Variants in BCL2L11 observed in about 807,000 individuals in gnomAD.
The protein encoded by BCL2L11 is BCL2 like 11.
In BCL2L11, 15 loss-of-function variants were observed where a neutral mutation model predicts 20.6. The ratio of observed to expected loss-of-function variants is 0.73; its 90% confidence interval spans 0.49 to 1.12. The LOEUF (loss-of-function observed/expected upper bound fraction) is 1.12. Among genes scored for constraint, BCL2L11 ranks in the 50% most tolerant of loss-of-function variants. The pLI is 0.00. For missense variants in BCL2L11, 292 were observed against 260.9 expected (o/e 1.12, Z -0.82); for synonymous variants, 108 against 92.8 (o/e 1.16, Z -0.94).
chr2:111,122,034 C>T (rs1390614775), intron 1 of BCL2L11, among the ~76,000 whole-genome samples: 2 of 152,208 alleles, frequency 1.3e-5, no homozygotes, highest in Admixed American at 1.3e-4. Flanking sequence ...GGTGGAGGGC[C>T]CGACGGACGC....
intron 2 of BCL2L11, among the ~76,000 whole-genome samples, chr2:111,127,782 A>G (rs1459985213): frequency 6.6e-6 from 1 of 152,144 alleles, no homozygotes; most frequent in East Asian, 1.9e-4. Flanking sequence ...TAAGCACTTG[A>G]CATAGGACTA....
Position 111,123,942 on chromosome 2 carries a change from C to A in BCL2L11, c.197C>A (p.Pro66Gln). The A allele has an allele frequency of 6.2e-7, 1 of 1,614,174 alleles. No individual in the cohort carries two copies. The highest frequency in any genetic ancestry group is 8.5e-7 in the Non-Finnish European group (1 of 1,179,996). The change falls in exon 2 of 4, where the codon CCA becomes CAA. Residue 66 changes from proline (P) to glutamine (Q), a missense_variant. By Grantham distance (76) the Pro-to-Gln change is moderately conservative. Coordinates refer to ENST00000393256, the MANE Select transcript of BCL2L11 (RefSeq NM_138621.5). ...PHGSPQGPLA[P>Q]PASPGPFATR... Reference sequence around the variant, plus strand: ...GGCAGCCCTCAGGGCCCGCTGGCCCCACCTGCCAGCCCTGGCCCTTTTGCT... The same window carrying A: ...GGCAGCCCTCAGGGCCCGCTGGCCCAACCTGCCAGCCCTGGCCCTTTTGCT...
chr2:111,151,614 T>C (rs1559073925), intron 3 of BCL2L11, among the ~76,000 whole-genome samples: 1 of 152,224 alleles, frequency 6.6e-6, no homozygotes, highest in East Asian at 1.9e-4. Context: ...TGTTTTAGGC[T>C]TCTTTTAGAC....
chr2:111,132,363 C>A (rs1416246236), intron 2 of BCL2L11: 2 of 152,094 alleles, frequency 1.3e-5, no homozygotes, highest in Non-Finnish European at 2.9e-5. Context: ...AGACTTGTAG[C>A]TAGGAAGTAA....
In BCL2L11 at chr2:111,167,281, G is replaced by A. The variant is rs960375600; in HGVS notation, c.*3050G>A. ...CGGGTCCTGGTATTTCCAGTCAAGT[G>A]GGTTTCAATTCTTGGGCTTTGCCGC... On this transcript the variant is annotated 3_prime_UTR_variant, in exon 4 of 4. Coordinates refer to ENST00000393256, the MANE Select transcript of BCL2L11 (RefSeq NM_138621.5). 10 of 152,186 alleles carry A rather than the reference G, an allele frequency of 6.6e-5. No individual in the cohort carries two copies. Among genetic ancestry groups the A allele is most frequent in the Admixed American group, 5.2e-4 (8 of 15,284 alleles). 9.4% of individuals were successfully genotyped at this position (152,186 alleles called of 1,614,324 possible).
At chr2:111,147,066 A>G (rs142744667) in intron 2 of BCL2L11, among the ~76,000 whole-genome samples, 140 of 152,296 alleles carry the variant, frequency 9.2e-4, no homozygotes, top group African/African-American at 3.2e-3. Flanking sequence ...TATAGTATCT[A>G]TTTCCATAAT....
At position 111,164,301 on chromosome 2, in the gene BCL2L11, C is replaced by A. The variant is rs1203316577; in HGVS notation, c.*70C>A. The A allele has an allele frequency of 1.7e-6, 2 of 1,171,094 alleles. No homozygotes were observed. The highest frequency in any genetic ancestry group is 2.6e-6 in the Non-Finnish European group (2 of 777,006). 72.5% of individuals were successfully genotyped at this position (1,171,094 alleles called of 1,614,324 possible). Reference sequence around the variant, plus strand: ...TTCAAACCAACAAGACCCAGCACCGCGGTCTCCTGGTGCCATTATTATGCA... The same window carrying A: ...TTCAAACCAACAAGACCCAGCACCGAGGTCTCCTGGTGCCATTATTATGCA... On this transcript the variant is annotated 3_prime_UTR_variant, in exon 4 of 4. Coordinates refer to ENST00000393256, the MANE Select transcript of BCL2L11 (RefSeq NM_138621.5).
intron 1 of BCL2L11, among the ~76,000 whole-genome samples, chr2:111,121,714 ACT>A (rs1558999319): frequency 6.6e-6 from 1 of 151,826 alleles, no homozygotes; most frequent in African/African-American, 2.4e-5. Context: ...TTTTCCTTTT[ACT>A]CATTCAGGCC....
At chr2:111,151,917 G>C in intron 3 of BCL2L11, 1 of 1,514,854 alleles carries the variant, frequency 6.6e-7, no homozygotes, top group Non-Finnish European at 9.0e-7. Context: ...AACTTTGGTT[G>C]GTTTTATAAC....
chr2:111,152,797 C>T (rs1476408741), intron 3 of BCL2L11, among the ~76,000 whole-genome samples: 1 of 152,168 alleles, frequency 6.6e-6, no homozygotes, highest in East Asian at 1.9e-4. Context: ...AATGTTTAAG[C>T]GTATGTTTAA....
chr2:111,152,532 C>A (rs186955189), intron 3 of BCL2L11, among the ~76,000 whole-genome samples: 1 of 152,356 alleles, frequency 6.6e-6, no homozygotes, highest in African/African-American at 2.4e-5. Flanking sequence ...GGTGGATGCA[C>A]CTCCATGGCT....
chr2:111,161,593 T>A, intron 3 of BCL2L11: 1 of 1,508,254 alleles, frequency 6.6e-7, no homozygotes, highest in South Asian at 1.2e-5. Context: ...GAGGAACCAC[T>A]CACACTGCAA....
intron 2 of BCL2L11, among the ~76,000 whole-genome samples, chr2:111,142,782 T>C (rs1468207350): frequency 6.6e-6 from 1 of 152,226 alleles, no homozygotes; most frequent in South Asian, 2.1e-4. Flanking sequence ...GCCACACTTA[T>C]TTTGTCATCA....
intron 2 of BCL2L11, among the ~76,000 whole-genome samples, chr2:111,144,049 C>T (rs1477470367): frequency 6.6e-6 from 1 of 152,122 alleles, no homozygotes; most frequent in Non-Finnish European, 1.5e-5. Context: ...TTCTTTTGAC[C>T]ATGGCTCCAT....
chr2:111,150,176 T>G (rs1343840310), intron 3 of BCL2L11, 29 bp downstream of exon 3: 2 of 1,609,470 alleles, frequency 1.2e-6, no homozygotes. Context: ...CCCGCTTTTC[T>G]GCTCACACCC....
At chr2:111,155,867 T>C (rs974988861) in intron 3 of BCL2L11, among the ~76,000 whole-genome samples, 1 of 152,230 alleles carries the variant, frequency 6.6e-6, no homozygotes, top group Non-Finnish European at 1.5e-5. Flanking sequence ...CAGGAATTGA[T>C]TGAAGTGCAT....
At chr2:111,143,615 C>T (rs962813542) in intron 2 of BCL2L11, among the ~76,000 whole-genome samples, 4 of 152,126 alleles carry the variant, frequency 2.6e-5, no homozygotes, top group East Asian at 1.9e-4. Context: ...GTGCATCTGT[C>T]CCAGGAAGCG....
chr2:111,137,248 C>T (rs1575019292), intron 2 of BCL2L11, among the ~76,000 whole-genome samples: 2 of 152,314 alleles, frequency 1.3e-5, no homozygotes, highest in Middle Eastern at 3.4e-3. Context: ...ATCATTGGCC[C>T]AGTCTCCACA....
At position 111,168,333 on chromosome 2, in the gene BCL2L11, T is replaced by C. The variant is rs1485368356; in HGVS notation, c.*4102T>C. 2.0e-5 allele frequency: 3 copies of C among 152,690 alleles called. No homozygotes were observed. Among genetic ancestry groups the C allele is most frequent in the African/African-American group, 7.2e-5 (3 of 41,474 alleles). 9.5% of individuals were successfully genotyped at this position (152,690 alleles called of 1,614,324 possible). A position where few individuals can be genotyped will look rare whatever the true frequency, so the allele number is the denominator to read the frequency against. On this transcript the variant is annotated 3_prime_UTR_variant, in exon 4 of 4. Coordinates refer to ENST00000393256, the MANE Select transcript of BCL2L11 (RefSeq NM_138621.5). ...CTGGCTTACTTGTGTTTTGCACTGA[T>C]GAATTTTGACAGGGTAATTGCCACT...
Sources: gnomAD v4.1 joint callset for allele counts (sites outside exome capture counted in the v4.1 genomes callset) on GRCh38, gnomAD v4.1.1 for gene constraint, MANE v1.5 for transcripts, NCBI Gene and HGNC (gene_info 2026-07-23, HGNC 2026-07-21) for gene names.